DNAH1: variants seen among roughly 807,000 people sequenced by gnomAD.
DNAH1 encodes the protein axonemal beta dynein heavy chain 1.
DNAH1 carries 327 observed loss-of-function variants against 484.3 expected under a neutral mutation model. The observed-to-expected ratio is 0.68, with a 90% CI of 0.62 to 0.74. The LOEUF (loss-of-function observed/expected upper bound fraction) is 0.74. DNAH1 is among the 30% of genes least tolerant of loss of function. The pLI is 0.00. For missense variants in DNAH1, 5,052 were observed against 5,546.8 expected (o/e 0.91, Z 2.83); for synonymous variants, 2,192 against 2,191.9 (o/e 1.00, Z 0.00).
Position 52,396,879 on chromosome 3 carries a change from C to T in DNAH1, c.11622C>T (p.Tyr3874=), listed in dbSNP as rs1578207960. 1 of 1,157,706 alleles carries T rather than the reference C, an allele frequency of 8.6e-7. No homozygotes were observed. The highest frequency in any genetic ancestry group is 3.7e-5 in the East Asian group (1 of 27,318). The allele number at this position is 1,157,706 out of a possible 1,614,324, so 71.7% of individuals were successfully genotyped here. Residue 3874 remains tyrosine, a synonymous_variant, in exon 73 of 78, where the codon TAC becomes TAT. Coordinates refer to ENST00000420323, the MANE Select transcript of DNAH1 (RefSeq NM_015512.5). ...YDDIPYKVLK[Y]TAGEINYGGR... is the part of the protein sequence containing the mutation. ...CACCCACCCCATAGGTCCTCAAGTA[C>T]ACGGCAGGGGAGATCAATTACGGGG... is the stretch of plus-strand genomic sequence containing the variant.
chr3:52,379,805 G>A lies in DNAH1; in HGVS notation c.7378-100G>A. 9.5e-7 allele frequency: 1 copy of A among 1,047,380 alleles called. No individual in the cohort carries two copies. The highest frequency in any genetic ancestry group is 1.4e-6 in the Non-Finnish European group (1 of 733,304). 64.9% of individuals were successfully genotyped at this position (1,047,380 alleles called of 1,614,324 possible). A position where few individuals can be genotyped will look rare whatever the true frequency, so the allele number is the denominator to read the frequency against. On this transcript the variant is annotated intron_variant, in intron 47 of 77. Coordinates refer to ENST00000420323, the MANE Select transcript of DNAH1 (RefSeq NM_015512.5). This position sits in a 1 kb window ranked among gnomAD's most constrained non-coding sequence, Gnocchi z 4.4. ...GGTGGGAGAGCCAGGCTCCAGTCAG[G>A]GCCCCAGGAACTGGGGCCCACCCTC... is the stretch of plus-strand genomic sequence containing the variant.
rs1703197332 is a variant in DNAH1 at position 52,368,865 on chromosome 3, G to T, written c.5890G>T (p.Asp1964Tyr). The T allele has an allele frequency of 6.2e-7, 1 of 1,613,908 alleles. No individual in the cohort carries two copies. Among genetic ancestry groups the T allele is most frequent in the Admixed American group, 1.7e-5 (1 of 60,002 alleles). Residue 1964 changes from aspartate to tyrosine, a missense_variant, in exon 37 of 78, where the codon GAT (aspartate) becomes TAT (tyrosine). By Grantham distance (160) the Asp-to-Tyr change is radical (BLOSUM62 -3). This residue lies in a region of DNAH1 where 2,929 missense variants were observed against 3,409.4 expected (regional missense o/e 0.86). Transcript: ENST00000420323. The surrounding 1 kb of genome is among the most constrained non-coding windows in gnomAD (Gnocchi z 4.4). The stretch of plus-strand genomic sequence containing the variant: ...GATTGAGAACATGAACACGGTGCTG[G>T]ATGACAACAAGAAGCTGTGCCTCAG... Reference protein sequence around the residue: ...IWIENMNTVLDDNKKLCLSSG... With the variant: ...IWIENMNTVLYDNKKLCLSSG...
chr3:52,357,835 C>T, intron 23 of DNAH1, 63 bp from the exon 24 acceptor site: 3 of 1,583,700 alleles, frequency 1.9e-6, no homozygotes, highest in Non-Finnish European at 2.6e-6. Context: ...GTCAGCAGGA[C>T]TGGGGCAGCT....
Position 52,394,916 on chromosome 3 carries a change from G to A in DNAH1, c.10825G>A (p.Glu3609Lys), listed in dbSNP as rs1028400224. The change falls in exon 68 of 78, where the codon GAG becomes AAG. Residue 3609 changes from glutamate to lysine, a missense_variant and splice_region_variant. Physicochemically the swap from Glu to Lys is moderately conservative, Grantham distance 56 (BLOSUM62 1). Coordinates refer to ENST00000420323, the MANE Select transcript of DNAH1 (RefSeq NM_015512.5). ...GGGAGGTGTGGGCCACTGTTGCAGG[G>A]AGCCTTTGCCTGGCATCTGGGACCA... ...VIFDSLEPHR[E>K]PLPGIWDQYL... is the part of the protein sequence containing the mutation. The A allele has an allele frequency of 2.5e-6, 4 of 1,613,364 alleles. No homozygotes were observed. The highest frequency in any genetic ancestry group is 3.3e-4 in the Middle Eastern group (2 of 6,060).
intron 37 of DNAH1, among the ~76,000 whole-genome samples, chr3:52,369,355 CT>C (rs2153224650): frequency 6.6e-6 from 1 of 152,274 alleles, no homozygotes; most frequent in African/African-American, 2.4e-5. Context: ...CCACGGGGAT[CT>C]GTCTGGTGTG....
chr3:52,349,376 G>C lies in DNAH1; in HGVS notation c.2482G>C (p.Val828Leu). 6.2e-7 allele frequency: 1 copy of C among 1,613,992 alleles called. No homozygotes were observed. The highest frequency in any genetic ancestry group is 1.1e-5 in the South Asian group (1 of 91,080). ...SKKRKALATS[V>L]LDILAKNLHK... ...GAAACGCAAGGCCCTGGCCACTTCC[G>C]TGCTGGACATCCTTGCCAAGAACCT... The change falls in exon 14 of 78, where the codon GTG (valine) becomes CTG (leucine). Residue 828 changes from valine (V) to leucine (L), a missense_variant. Val to Leu is a conservative substitution (Grantham distance 32). Transcript: ENST00000420323.
rs199810521 is a variant in DNAH1 at position 52,350,009 on chromosome 3, C to G, written c.2547C>G (p.Ser849Arg). ...GCCAGATCTGCGAGGAGTTCCGCAGCATCAGCCGCAAGATCTATGAGAAGC... is the reference window on the plus strand; with the variant it reads ...GCCAGATCTGCGAGGAGTTCCGCAGGATCAGCCGCAAGATCTATGAGAAGC... Reference protein sequence around the residue: ...EVDSICEEFRSISRKIYEKPN... With the variant: ...EVDSICEEFRRISRKIYEKPN... Residue 849 changes from serine (S) to arginine (R), a missense_variant, in exon 15 of 78, where the codon AGC becomes AGG. By Grantham distance (110) the Ser-to-Arg change is moderately radical. Transcript: ENST00000420323. The G allele has an allele frequency of 2.0e-4, 329 of 1,611,676 alleles. 2 individuals are homozygous for G. In the East Asian group the frequency reaches 7.3e-3, roughly 36 times the overall value.
Position 52,389,502 on chromosome 3 carries a change from G to A in DNAH1, c.9537G>A (p.Gln3179=). 6.2e-7 allele frequency: 1 copy of A among 1,603,092 alleles called. No individual in the cohort carries two copies. Among genetic ancestry groups the A allele is most frequent in the Non-Finnish European group, 8.5e-7 (1 of 1,175,354 alleles). ...RTVLYDSWVK[Q]LRSHNVPHTS... ...TGCTCTACGACAGCTGGGTCAAGCAGCTCAGGAGCCACAATGTCCCACACA... is the reference window on the plus strand; with the variant it reads ...TGCTCTACGACAGCTGGGTCAAGCAACTCAGGAGCCACAATGTCCCACACA... The change falls in exon 60 of 78, where the codon CAG becomes CAA. Residue 3179 remains glutamine (Q), a synonymous_variant. Coordinates refer to ENST00000420323, the MANE Select transcript of DNAH1 (RefSeq NM_015512.5).
chr3:52,392,935 G>C lies in DNAH1; in HGVS notation c.10384G>C (p.Asp3462His). 6.2e-7 allele frequency: 1 copy of C among 1,613,438 alleles called. No homozygotes were observed. ...CCAGATCCTCTTCTTCTGTGTGTCC[G>C]ACCTGGCCAACGTGGACCCCATGTA... Reference protein sequence around the residue: ...RTQILFFCVSDLANVDPMYQY... With the variant: ...RTQILFFCVSHLANVDPMYQY... The change falls in exon 65 of 78, where the codon GAC becomes CAC. Residue 3462 changes from aspartate to histidine, a missense_variant. Coordinates refer to ENST00000420323, the MANE Select transcript of DNAH1 (RefSeq NM_015512.5).
intron 12 of DNAH1, 121 bp downstream of exon 12, chr3:52,348,095 T>C: frequency 1.0e-6 from 1 of 1,001,954 alleles, no homozygotes; most frequent in Non-Finnish European, 1.4e-6. Context: ...GCAGGCAGCA[T>C]GCTCAGCCCT....
chr3:52,373,817 G>T, intron 44 of DNAH1: 1 of 1,423,106 alleles, frequency 7.0e-7, no homozygotes, highest in South Asian at 1.2e-5. Context: ...ATTGGAATGT[G>T]ATCACAGAGC....
intron 32 of DNAH1, among the ~76,000 whole-genome samples, chr3:52,363,931 TCCCACACACCCTTCTTTCCAAAATGCTC>T (rs574198780): frequency 4.1e-4 from 62 of 152,174 alleles, no homozygotes; most frequent in Non-Finnish European, 4.4e-5. Context: ...GTGCCGGCGC[TCCCACACACCCTTCTTTCCAAAATGCTC>T]CCCACCCCCA....
chr3:52,348,040 T>C (rs1702219206), intron 12 of DNAH1, 66 bp downstream of exon 12: 3 of 1,510,038 alleles, frequency 2.0e-6, no homozygotes, highest in Non-Finnish European at 2.7e-6. Flanking sequence ...CTCCCTGAGC[T>C]CAGGGTGCTG....
intron 56 of DNAH1, 91 bp downstream of exon 56, chr3:52,386,944 C>A: frequency 7.6e-7 from 1 of 1,308,996 alleles, no homozygotes; most frequent in Non-Finnish European, 1.0e-6. Flanking sequence ...TGCCCCACCA[C>A]ATCATCTGCA....
intron 12 of DNAH1, 56 bp from the exon 13 acceptor site, chr3:52,348,832 C>T (rs748600301): frequency 1.4e-5 from 22 of 1,575,454 alleles, no homozygotes; most frequent in Middle Eastern, 1.7e-4. Context: ...CTCCCCTCTG[C>T]TCATTCACCC....
At chr3:52,400,190 A>G in intron 77 of DNAH1, 135 bp from the exon 78 acceptor site, 1 of 1,222,988 alleles carries the variant, frequency 8.2e-7, no homozygotes, top group African/African-American at 1.5e-5. Context: ...AGACCCCCTC[A>G]TCAGGTAGGC....
At chr3:52,311,232 A>T in the DNAH1 span, among the ~76,000 whole-genome samples, 1 of 152,160 alleles carries the variant, frequency 6.6e-6, no homozygotes, top group Non-Finnish European at 1.5e-5. Context: ...TGGAGGCCTA[A>T]TACCTTGAGG....
chr3:52,360,480 T>C (rs200084845), intron 28 of DNAH1, 56 bp downstream of exon 28: 44 of 1,482,888 alleles, frequency 3.0e-5, no homozygotes, highest in Non-Finnish European at 3.5e-5. Flanking sequence ...TAGTTCTCTC[T>C]GGCCCAGGAA....
intron 6 of DNAH1, among the ~76,000 whole-genome samples, chr3:52,330,893 G>T (rs532578388): frequency 9.5e-4 from 144 of 152,360 alleles, no homozygotes; most frequent in African/African-American, 3.2e-3. Flanking sequence ...CTGCCCTGGT[G>T]GAGGTTGTGC....
Sources: gnomAD v4.1 joint callset for allele counts (sites outside exome capture counted in the v4.1 genomes callset) on GRCh38, gnomAD v4.1.1 for gene constraint, gnomAD v4.1.1 regional missense constraint, Gnocchi (gnomAD v3.1) non-coding constraint, MANE v1.5 for transcripts, NCBI Gene and HGNC (gene_info 2026-07-23, HGNC 2026-07-21) for gene names.